Variants in TTLL13 observed in about 807,000 individuals in gnomAD.
TTLL13 encodes tubulin tyrosine ligase like 13, also known as tubulin polyglutamylase TTLL13.
At chr15:90,256,604 TCTTTCC>T in the TTLL13 span, among the ~76,000 whole-genome samples, 1 of 34,742 alleles carries the variant, frequency 2.9e-5, no homozygotes, top group Admixed American at 3.5e-4. Context: ...TTTCTTTCTT[TCTTTCC>T]TTCCTTCCTT....
the TTLL13 span, chr15:90,257,934 C>A: frequency 3.4e-6 from 4 of 1,184,006 alleles, no homozygotes; most frequent in South Asian, 1.4e-5. Flanking sequence ...AGCAGCCCTT[C>A]AAAGCCCGGG....
the TTLL13 span, chr15:90,263,543 C>A: frequency 9.1e-6 from 5 of 549,776 alleles, no homozygotes; most frequent in Non-Finnish European, 6.5e-6. Flanking sequence ...TTTGGGCCAA[C>A]AAAAGAGCTG....
chr15:90,263,951 A>G, the TTLL13 span: 3 of 1,534,894 alleles, frequency 2.0e-6, no homozygotes, highest in Non-Finnish European at 2.6e-6. Flanking sequence ...CTGCAGCCCA[A>G]GAACTTCAAC....
the TTLL13 span, among the ~76,000 whole-genome samples, chr15:90,261,515 G>A: frequency 1.2e-4 from 18 of 151,908 alleles, no homozygotes; most frequent in Admixed American, 9.2e-4. Flanking sequence ...AAATCAGGCC[G>A]AGTACGGTGG....
At chr15:90,250,360 G>A in the TTLL13 span, among the ~76,000 whole-genome samples, 3 of 152,198 alleles carry the variant, frequency 2.0e-5, no homozygotes, top group African/African-American at 4.8e-5. Flanking sequence ...ACCCCTGTGC[G>A]TTGTATGATC....
At chr15:90,255,809 C>T in the TTLL13 span, 12 of 1,614,164 alleles carry the variant, frequency 7.4e-6, no homozygotes, top group Admixed American at 1.0e-4. Context: ...TCTGCTGGCT[C>T]GGAACCTCAA....
the TTLL13 span, chr15:90,257,839 T>G: frequency 1.3e-5 from 14 of 1,088,796 alleles, no homozygotes; most frequent in African/African-American, 2.0e-4. Context: ...TCAGCCTTTA[T>G]AGACCCTGTC....
chr15:90,255,916 AC>A, the TTLL13 span: 4 of 1,613,732 alleles, frequency 2.5e-6, no homozygotes, highest in Non-Finnish European at 3.4e-6. Context: ...ATGCTGAGAT[AC>A]CAGGGGGAGG....
the TTLL13 span, among the ~76,000 whole-genome samples, chr15:90,264,383 G>A: frequency 6.6e-6 from 1 of 152,050 alleles, no homozygotes. Context: ...TTTTTGCCAC[G>A]TAGCCCAGGC....
the TTLL13 span, among the ~76,000 whole-genome samples, chr15:90,252,456 C>T: frequency 6.6e-6 from 1 of 152,182 alleles, no homozygotes; most frequent in Non-Finnish European, 1.5e-5. Flanking sequence ...CCTAGGATAA[C>T]AGGCAGGAGC....
At chr15:90,258,667 C>G in the TTLL13 span, 3 of 1,262,364 alleles carry the variant, frequency 2.4e-6, no homozygotes, top group South Asian at 3.7e-5. Flanking sequence ...CTTAGACCCT[C>G]TAGTTAATGC....
At chr15:90,262,418 C>T in the TTLL13 span, 3 of 1,391,792 alleles carry the variant, frequency 2.2e-6, no homozygotes, top group Admixed American at 8.8e-5. Context: ...GCTCTTTCCT[C>T]ATCCCCATTT....
chr15:90,262,978 C>T, the TTLL13 span: 1 of 1,535,772 alleles, frequency 6.5e-7, no homozygotes, highest in Non-Finnish European at 8.7e-7. Context: ...GCTGCCGGGA[C>T]AGCTGGACAC....
chr15:90,254,768 C>A, the TTLL13 span, among the ~76,000 whole-genome samples: 2 of 152,060 alleles, frequency 1.3e-5, no homozygotes, highest in Non-Finnish European at 2.9e-5. Flanking sequence ...ATCTCTTGAG[C>A]CTGGGAGGCA....
chr15:90,250,397 T>C, the TTLL13 span, among the ~76,000 whole-genome samples: 2 of 152,312 alleles, frequency 1.3e-5, no homozygotes, highest in Non-Finnish European at 2.9e-5. Context: ...GATTGGGGCT[T>C]GTCATCAGGG....
At chr15:90,250,760 G>A in the TTLL13 span, 1 of 1,614,134 alleles carries the variant, frequency 6.2e-7, no homozygotes, top group Non-Finnish European at 8.5e-7. Context: ...CTTAAAAGCT[G>A]ACTATAAGGC....
At chr15:90,253,014 A>C in the TTLL13 span, among the ~76,000 whole-genome samples, 3 of 152,032 alleles carry the variant, frequency 2.0e-5, no homozygotes, top group Non-Finnish European at 2.9e-5. Flanking sequence ...CAAACAAACA[A>C]ACAAACAAAA....
the TTLL13 span, among the ~76,000 whole-genome samples, chr15:90,255,458 G>A: frequency 6.6e-6 from 1 of 152,204 alleles, no homozygotes; most frequent in Admixed American, 6.5e-5. Context: ...GGTGGTCTGA[G>A]GGGTGTTAGA....
the TTLL13 span, chr15:90,264,681 G>A: frequency 1.3e-6 from 2 of 1,529,482 alleles, no homozygotes; most frequent in Non-Finnish European, 1.7e-6. Flanking sequence ...AATCTCTTCT[G>A]TGAATACCAA....
Sources: allele counts gnomAD v4.1 joint callset (sites outside exome capture counted in the v4.1 genomes callset), GRCh38; gene constraint gnomAD v4.1.1; transcripts MANE v1.5; gene names NCBI Gene and HGNC (gene_info 2026-07-23, HGNC 2026-07-21).